PMS1: variants seen among roughly 807,000 people sequenced by gnomAD.
PMS1 encodes PMS1 homolog 1, mismatch repair system component.
A neutral mutation model predicts 93.1 loss-of-function variants in PMS1; 79 were observed. That is an observed-to-expected ratio of 0.85 (90% CI 0.71 to 1.02). The LOEUF (loss-of-function observed/expected upper bound fraction) is 1.02. PMS1 is among the 50% of genes least tolerant of loss of function. PMS1 has a pLI of 0.00. For synonymous variants in PMS1, 335 were observed against 363.4 expected, an observed-to-expected ratio of 0.92 and a Z score of 0.89; for missense variants, 1,064 against 1,085.3, an observed-to-expected ratio of 0.98 and a Z score of 0.28.
chr2:189,806,625 G>T (rs5743018), intron 4 of PMS1: 5,258 of 201,068 alleles, frequency 0.026, 286 homozygotes, highest in African/African-American at 0.11. Flanking sequence ...TCGAACTCCT[G>T]AGCCCAAGCG....
At chr2:189,787,898 A>G (rs538155020) in intron 1 of PMS1, among the ~76,000 whole-genome samples, 2 of 152,356 alleles carry the variant, frequency 1.3e-5, no homozygotes, top group South Asian at 2.1e-4. Flanking sequence ...AAGAAAGATG[A>G]CATGACATGG....
At position 189,844,092 on chromosome 2, in the gene PMS1, A is replaced by G; in HGVS notation, c.699+12A>G. 5 of 1,613,158 alleles carry G rather than the reference A, an allele frequency of 3.1e-6. No individual in the cohort carries two copies. In the South Asian group the frequency reaches 5.5e-5, roughly 18 times the overall value. The stretch of plus-strand genomic sequence containing the variant: ...CTGAAGAATCTCAGGTATACTGCAA[A>G]AACATTCTCAGATAATTCTGATTTA... On this transcript the variant is annotated intron_variant, in intron 6 of 12. Transcript: ENST00000441310.
At chr2:189,810,220 C>T (rs1299820614) in intron 4 of PMS1, among the ~76,000 whole-genome samples, 4 of 152,112 alleles carry the variant, frequency 2.6e-5, no homozygotes, top group South Asian at 2.1e-4. Flanking sequence ...TGTAACCTTT[C>T]GGCAAGAGAA....
Position 189,863,866 on chromosome 2 carries a change from G to C in PMS1, c.1980G>C (p.Trp660Cys), listed in dbSNP as rs2106508986. The change falls in exon 10 of 13, where the codon TGG becomes TGC. Residue 660 changes from tryptophan to cysteine, a missense_variant. By Grantham distance (215) the Trp-to-Cys change is radical. Transcript: ENST00000441310. ...GRKKIKPTSA[W>C]NLAQKHKLKT... ...AAAAGATAAAACCCACCAGCGCATG[G>C]AATTTGGCCCAGAAGCACAAGTTAA... 1 of 1,613,974 alleles carries C rather than the reference G, an allele frequency of 6.2e-7. No individual in the cohort carries two copies.
chr2:189,815,365 C>T (rs1012728396), intron 4 of PMS1, among the ~76,000 whole-genome samples: 24 of 152,134 alleles, frequency 1.6e-4, no homozygotes, highest in African/African-American at 5.3e-4. Context: ...AATCTCATCT[C>T]GAATTGTAAT....
chr2:189,788,224 G>A (rs1345233384), intron 1 of PMS1, among the ~76,000 whole-genome samples: 1 of 152,158 alleles, frequency 6.6e-6, no homozygotes. Flanking sequence ...CCTAGCTGAG[G>A]TGGAAGACTT....
At chr2:189,856,978 G>C in intron 9 of PMS1, among the ~76,000 whole-genome samples, 1 of 152,176 alleles carries the variant, frequency 6.6e-6, no homozygotes, top group East Asian at 1.9e-4. Context: ...CCATAAAGTA[G>C]ACAAAAGAGG....
intron 5 of PMS1, among the ~76,000 whole-genome samples, chr2:189,837,321 G>GTT (rs2053473255): frequency 6.6e-6 from 1 of 151,758 alleles, no homozygotes; most frequent in Non-Finnish European, 1.5e-5. Context: ...TAGAAACAGG[G>GTT]TCACACTATG....
chr2:189,803,728 A>G (rs2050092357), intron 3 of PMS1, among the ~76,000 whole-genome samples: 1 of 152,216 alleles, frequency 6.6e-6, no homozygotes, highest in Non-Finnish European at 1.5e-5. Flanking sequence ...CCTCTGTGGA[A>G]CACACTGTAT....
At chr2:189,837,486 A>G (rs2053487129) in intron 5 of PMS1, among the ~76,000 whole-genome samples, 1 of 152,224 alleles carries the variant, frequency 6.6e-6, no homozygotes, top group South Asian at 2.1e-4. Flanking sequence ...ATTGCAGATT[A>G]TTCAGAACCT....
intron 3 of PMS1, among the ~76,000 whole-genome samples, chr2:189,797,579 T>G (rs751211251): frequency 6.6e-6 from 1 of 152,154 alleles, no homozygotes; most frequent in Non-Finnish European, 1.5e-5. Context: ...CTTGAGTTAT[T>G]GAAATTTGCC....
chr2:189,850,389 G>A (rs1004714285), intron 6 of PMS1, among the ~76,000 whole-genome samples: 1 of 152,128 alleles, frequency 6.6e-6, no homozygotes, highest in Non-Finnish European at 1.5e-5. Context: ...TAGTAAAGGA[G>A]TATAGGATGA....
Position 189,818,105 on chromosome 2 carries a change from A to G in PMS1, c.507A>G (p.Ile169Met), listed in dbSNP as rs1375761405. The change falls in exon 5 of 13, where the codon ATA becomes ATG. Residue 169 changes from isoleucine (I) to methionine (M), a missense_variant. Ile to Met is a conservative substitution (Grantham distance 10). Transcript: ENST00000441310. ...CTGCAAAAAAATGTAAAGATGAAAT[A>G]AAAAAGATCCAAGATCTCCTCATGA... ...YSTAKKCKDE[I>M]KKIQDLLMSF... is the part of the protein sequence containing the mutation. 2 of 1,607,938 alleles carry G rather than the reference A, an allele frequency of 1.2e-6. No homozygotes were observed. The highest frequency in any genetic ancestry group is 4.5e-5 in the East Asian group (2 of 44,784).
chr2:189,809,447 CTTTTTTTTTTT>C (rs972672920), intron 4 of PMS1, among the ~76,000 whole-genome samples: 7 of 63,456 alleles, frequency 1.1e-4, no homozygotes, highest in Non-Finnish European at 2.0e-4. Flanking sequence ...AAGCACATTT[CTTTTTTTTTTT>C]TTTTTTTTTT....
At chr2:189,873,465 T>TAG (rs757260441) in intron 11 of PMS1, 31 bp from the exon 12 acceptor site, 1 of 1,472,162 alleles carries the variant, frequency 6.8e-7, no homozygotes, top group Non-Finnish European at 9.5e-7. Context: ...AATATGAACT[T>TAG]AACTATGTGT....
chr2:189,806,429 A>T, intron 4 of PMS1: 1 of 320,018 alleles, frequency 3.1e-6, no homozygotes, highest in East Asian at 7.8e-5. Context: ...ACAGGGTCTC[A>T]CTCTGTCACA....
At chr2:189,796,179 T>C (rs1345469771) in intron 3 of PMS1, among the ~76,000 whole-genome samples, 1 of 151,966 alleles carries the variant, frequency 6.6e-6, no homozygotes, top group African/African-American at 2.4e-5. Context: ...GCCAACATGG[T>C]GAAACCCCGT....
At chr2:189,859,720 G>A (rs796128963) in intron 9 of PMS1, among the ~76,000 whole-genome samples, 3 of 151,382 alleles carry the variant, frequency 2.0e-5, no homozygotes, top group African/African-American at 7.3e-5. Flanking sequence ...ATAATTTTTC[G>A]AACATCCATT....
chr2:189,830,485 T>C (rs2052829227), intron 5 of PMS1, among the ~76,000 whole-genome samples: 2 of 152,336 alleles, frequency 1.3e-5, no homozygotes, highest in South Asian at 4.1e-4. Flanking sequence ...CCATTTCCCC[T>C]GTCCCCCCGC....
Sources: allele counts gnomAD v4.1 joint callset (sites outside exome capture counted in the v4.1 genomes callset), GRCh38; gene constraint gnomAD v4.1.1; transcripts MANE v1.5; gene names NCBI Gene and HGNC (gene_info 2026-07-23, HGNC 2026-07-21).